Variants in JMJD1C observed in about 807,000 individuals in gnomAD.
The protein encoded by JMJD1C is jumonji domain containing 1C.
JMJD1C carries 31 observed loss-of-function variants against 245.3 expected under a neutral mutation model. That is an observed-to-expected ratio of 0.13 (90% CI 0.09 to 0.17). JMJD1C has a LOEUF of 0.17. JMJD1C is among the 10% of genes least tolerant of loss of function. The pLI is 1.00. For missense variants in JMJD1C, 2,691 were observed against 3,000.2 expected, an observed-to-expected ratio of 0.90 and a Z score of 2.41; for synonymous variants, 1,057 against 1,017.4, an observed-to-expected ratio of 1.04 and a Z score of -0.74.
rs1339271434 is a variant in JMJD1C, at chr10:63,197,392, T to G, written c.5644+19A>C. 1.3e-6 allele frequency: 2 copies of G among 1,592,864 alleles called. No individual in the cohort carries two copies. Among genetic ancestry groups the G allele is most frequent in the Non-Finnish European group, 1.7e-6 (2 of 1,172,496 alleles). On this transcript the variant is annotated intron_variant, in intron 13 of 25. Coordinates refer to ENST00000399262, the MANE Select transcript of JMJD1C (RefSeq NM_032776.3). ...AAAAATTATAAAAAACTTCAATTTA[T>G]ATAAACTTATACACCAACCTCTAGA...
chr10:63,395,798 G>A (rs930991982), intron 1 of JMJD1C, among the ~76,000 whole-genome samples: 1 of 152,026 alleles, frequency 6.6e-6, no homozygotes, highest in Non-Finnish European at 1.5e-5. Context: ...CAACAATAAA[G>A]ATGAATTTCT....
At chr10:63,289,448 T>C (rs1312076359) in intron 2 of JMJD1C, among the ~76,000 whole-genome samples, 1 of 152,190 alleles carries the variant, frequency 6.6e-6, no homozygotes, top group Non-Finnish European at 1.5e-5. Flanking sequence ...GATGGAAATA[T>C]CAACTAAAAC....
chr10:63,321,280 T>A (rs1393155270), intron 2 of JMJD1C, among the ~76,000 whole-genome samples: 1 of 152,246 alleles, frequency 6.6e-6, no homozygotes, highest in Non-Finnish European at 1.5e-5. Flanking sequence ...AGCAAACTAA[T>A]TGAACATGAG....
intron 1 of JMJD1C, among the ~76,000 whole-genome samples, chr10:63,381,410 A>C (rs1947204501): frequency 6.6e-6 from 1 of 152,028 alleles, no homozygotes; most frequent in South Asian, 2.1e-4. Flanking sequence ...CTACTCAGGA[A>C]GCTAAGACAG....
chr10:63,202,041 G>T (rs1424936057), intron 10 of JMJD1C, among the ~76,000 whole-genome samples: 1 of 151,962 alleles, frequency 6.6e-6, no homozygotes, highest in African/African-American at 2.4e-5. Flanking sequence ...GATCACTTGA[G>T]GCCAGGAGTT....
At position 63,214,816 on chromosome 10, in the gene JMJD1C, A is replaced by G; in HGVS notation, c.1351T>C (p.Ser451Pro). ...KKHEEAEKRK[S>P]VDTQLQEDMI... is the part of the protein sequence containing the mutation. ...TCTTCTTGAAGCTGAGTGTCAACAGACTTCCGCTTCTCTGCTTCTTCATGT... is the reference window on the plus strand; with the variant it reads ...TCTTCTTGAAGCTGAGTGTCAACAGGCTTCCGCTTCTCTGCTTCTTCATGT... The change falls in exon 8 of 26, where the codon TCT becomes CCT. Residue 451 changes from serine to proline, a missense_variant. Physicochemically the swap from Ser to Pro is moderately conservative, Grantham distance 74. Transcript: ENST00000399262. 6.2e-7 allele frequency: 1 copy of G among 1,613,708 alleles called. No individual in the cohort carries two copies. Among genetic ancestry groups the G allele is most frequent in the South Asian group, 1.1e-5 (1 of 91,070 alleles).
At chr10:63,186,131 A>T (rs558051998) in intron 19 of JMJD1C, 84 bp downstream of exon 19, 338 of 1,064,028 alleles carry the variant, frequency 3.2e-4, no homozygotes, top group Admixed American at 6.9e-4. Flanking sequence ...TGTTTCAAAG[A>T]CTAAAAATCT....
At position 63,234,511 on chromosome 10, in the gene JMJD1C, A is replaced by AAAC. The variant is rs1564654882; in HGVS notation, c.448-14529_448-14528insGTT. 8.9e-4 allele frequency among the ~76,000 whole-genome samples: 133 copies of AAAC among 148,950 alleles called. 1 individual carries two copies. The highest frequency in any genetic ancestry group is 3.2e-3 in the African/African-American group (129 of 40,160). ...CTCCTCTTAAAAAAAAAAAAAAAAA[A>AAAC]AAAAAAAAAACACCAAAAACAAAAA... On this transcript the variant is annotated intron_variant, in intron 3 of 25. Coordinates refer to ENST00000399262, the MANE Select transcript of JMJD1C (RefSeq NM_032776.3).
At chr10:63,248,085 G>A (rs1423088558) in intron 3 of JMJD1C, among the ~76,000 whole-genome samples, 1 of 151,944 alleles carries the variant, frequency 6.6e-6, no homozygotes, top group East Asian at 1.9e-4. Flanking sequence ...GAAATTAGCT[G>A]GGTGTGGTGG....
chr10:63,324,415 T>A (rs945853283), intron 2 of JMJD1C, among the ~76,000 whole-genome samples: 6 of 152,112 alleles, frequency 3.9e-5, no homozygotes, highest in African/African-American at 1.4e-4. Context: ...GTGGAGGAGA[T>A]AATAGTACAA....
intron 1 of JMJD1C, among the ~76,000 whole-genome samples, chr10:63,388,626 G>T (rs1026310147): frequency 7.9e-5 from 12 of 151,956 alleles, no homozygotes; most frequent in Non-Finnish European, 1.6e-4. Context: ...AAACCACAAT[G>T]TTAACAAGAA....
Position 63,167,796 on chromosome 10 carries a change from A to T in JMJD1C, c.*249T>A. The T allele has an allele frequency of 2.8e-6, 1 of 355,380 alleles. No individual in the cohort carries two copies. Among genetic ancestry groups the T allele is most frequent in the Non-Finnish European group, 5.1e-6 (1 of 195,808 alleles). 22.0% of individuals were successfully genotyped at this position (355,380 alleles called of 1,614,324 possible). On this transcript the variant is annotated 3_prime_UTR_variant, in exon 26 of 26. Coordinates refer to ENST00000399262, the MANE Select transcript of JMJD1C (RefSeq NM_032776.3). ...TTTTAAATCTGGCATTTTCACAAAC[A>T]TCATATACACTATAATACAAAACAG...
intron 1 of JMJD1C, among the ~76,000 whole-genome samples, chr10:63,419,741 G>GA (rs1350535529): frequency 1.4e-5 from 2 of 142,346 alleles, no homozygotes; most frequent in African/African-American, 5.1e-5. Flanking sequence ...AGGTGGCTTA[G>GA]AAAATCTCAA....
chr10:63,314,344 G>A (rs1939643052), intron 2 of JMJD1C, among the ~76,000 whole-genome samples: 1 of 152,228 alleles, frequency 6.6e-6, no homozygotes, highest in Non-Finnish European at 1.5e-5. Flanking sequence ...CAGATTGCTT[G>A]AGTCCAGGAG....
chr10:63,475,307 C>G (rs1443363199), intron 1 of JMJD1C, among the ~76,000 whole-genome samples: 1 of 152,074 alleles, frequency 6.6e-6, no homozygotes. Context: ...TACATACTTC[C>G]TAGAGGGAAT....
At chr10:63,335,941 T>C (rs940431608) in intron 2 of JMJD1C, among the ~76,000 whole-genome samples, 2 of 151,068 alleles carry the variant, frequency 1.3e-5, no homozygotes, top group African/African-American at 2.4e-5. Flanking sequence ...GGCAACATGG[T>C]GAAAACCCAT....
intron 1 of JMJD1C, among the ~76,000 whole-genome samples, chr10:63,499,601 A>G (rs1296055336): frequency 6.6e-6 from 1 of 152,202 alleles, no homozygotes; most frequent in Non-Finnish European, 1.5e-5. Flanking sequence ...ATGAAAAACA[A>G]CAGTTTAGAG....
intron 1 of JMJD1C, among the ~76,000 whole-genome samples, chr10:63,446,157 T>C (rs1488315784): frequency 1.3e-5 from 2 of 151,988 alleles, no homozygotes; most frequent in Non-Finnish European, 2.9e-5. Flanking sequence ...TTACAGGCGT[T>C]GAGCCACCAC....
chr10:63,516,750 T>G (rs61853635), intron 1 of JMJD1C, among the ~76,000 whole-genome samples: 21,017 of 152,198 alleles, frequency 0.14, 2,085 homozygotes, highest in Admixed American at 0.29. Context: ...CACAGATGTA[T>G]TTTACTTTTT....
Sources: allele counts gnomAD v4.1 joint callset (sites outside exome capture counted in the v4.1 genomes callset), GRCh38; gene constraint gnomAD v4.1.1; transcripts MANE v1.5; gene names NCBI Gene and HGNC (gene_info 2026-07-23, HGNC 2026-07-21).